ELP3: variants seen among roughly 807,000 people sequenced by gnomAD.
ELP3 encodes the protein elongator acetyltransferase complex subunit 3.
ELP3 carries 56 observed loss-of-function variants against 74.9 expected under a neutral mutation model. The observed-to-expected ratio is 0.75, with a 90% CI of 0.60 to 0.93. The LOEUF is 0.93. Among genes scored for constraint, ELP3 ranks in the 40% least tolerant of loss-of-function variants. ELP3 has a pLI of 0.00. For missense variants in ELP3, 573 were observed against 686.5 expected (o/e 0.83, Z 1.85); for synonymous variants, 222 against 239.8 (o/e 0.93, Z 0.68).
In ELP3 at chr8:28,099,978, G is replaced by A. The variant is rs113572399; in HGVS notation, c.258+12G>A. 1.2e-5 allele frequency: 20 copies of A among 1,613,850 alleles called. No homozygotes were observed. Among genetic ancestry groups the A allele is most frequent in the African/African-American group, 6.7e-5 (5 of 74,862 alleles). On this transcript the variant is annotated intron_variant, in intron 3 of 14. Coordinates refer to ENST00000256398, the MANE Select transcript of ELP3 (RefSeq NM_018091.6). The stretch of plus-strand genomic sequence containing the variant: ...GAACTGCTAGTGGGGTGAGTGATTC[G>A]ACTCATGAGGTATCGACACACTGGG...
In ELP3 at chr8:28,124,206, A is replaced by T. The variant is rs138927178; in HGVS notation, c.618-5296A>T. Among the ~76,000 whole-genome samples the T allele has an allele frequency of 5.5e-3, 844 of 152,320 alleles. 6 individuals carry two copies. Among genetic ancestry groups the T allele is most frequent in the African/African-American group, 0.019 (786 of 41,576 alleles). On this transcript the variant is annotated intron_variant, in intron 7 of 14. Coordinates refer to ENST00000256398, the MANE Select transcript of ELP3 (RefSeq NM_018091.6). ...TTAAGAGAAAGGTAGAGGACTCCTT[A>T]TATCTAGTACAATGCCTTAAGCATA... is the stretch of plus-strand genomic sequence containing the variant.
intron 10 of ELP3, among the ~76,000 whole-genome samples, chr8:28,152,788 A>G (rs1813692059): frequency 6.6e-6 from 1 of 152,300 alleles, no homozygotes; most frequent in South Asian, 2.1e-4. Context: ...CCTGGGTGAC[A>G]GAGCGAGACT....
intron 10 of ELP3, among the ~76,000 whole-genome samples, chr8:28,140,039 C>T (rs922462694): frequency 2.0e-5 from 3 of 152,048 alleles, no homozygotes; most frequent in Non-Finnish European, 4.4e-5. Context: ...GGGACTTGAG[C>T]ATCCATGGAT....
chr8:28,180,436 A>G (rs1001514428), intron 14 of ELP3, among the ~76,000 whole-genome samples: 1 of 152,120 alleles, frequency 6.6e-6, no homozygotes, highest in Admixed American at 6.5e-5. Flanking sequence ...AACATTTCCT[A>G]AATTTCTGGT....
intron 10 of ELP3, among the ~76,000 whole-genome samples, chr8:28,145,884 A>G (rs918432701): frequency 7.2e-5 from 11 of 152,186 alleles, no homozygotes; most frequent in African/African-American, 2.4e-4. Flanking sequence ...TCGGCCACCC[A>G]AAGTGCTGGG....
At chr8:28,120,792 T>C (rs948981535) in intron 7 of ELP3, among the ~76,000 whole-genome samples, 2 of 152,234 alleles carry the variant, frequency 1.3e-5, no homozygotes, top group African/African-American at 2.4e-5. Context: ...ATCACTTCTT[T>C]AAAGATTTTC....
At chr8:28,094,169 C>G (rs1391675281) in intron 1 of ELP3, among the ~76,000 whole-genome samples, 1 of 152,202 alleles carries the variant, frequency 6.6e-6, no homozygotes, top group Non-Finnish European at 1.5e-5. Context: ...CTCTAACTTG[C>G]TCCTTCTCAA....
intron 14 of ELP3, among the ~76,000 whole-genome samples, chr8:28,168,410 G>A (rs1869281): frequency 0.075 from 11,463 of 152,242 alleles, 829 homozygotes; most frequent in East Asian, 0.33. Flanking sequence ...TTGAGATCTT[G>A]AAGTCCAGCC....
intron 2 of ELP3, among the ~76,000 whole-genome samples, chr8:28,097,542 G>A (rs972089148): frequency 2.6e-5 from 4 of 151,322 alleles, no homozygotes; most frequent in South Asian, 4.2e-4. Flanking sequence ...GACTACAGGC[G>A]CCCGCCACCA....
At chr8:28,100,056 G>A in intron 3 of ELP3, 90 bp downstream of exon 3, 1 of 1,549,464 alleles carries the variant, frequency 6.5e-7, no homozygotes, top group South Asian at 1.1e-5. Context: ...TAGTGAGGTA[G>A]AGGTTGGGGA....
intron 4 of ELP3, among the ~76,000 whole-genome samples, 178 bp from the exon 5 acceptor site, chr8:28,107,735 T>C (rs1184875883): frequency 6.6e-6 from 1 of 152,232 alleles, no homozygotes; most frequent in Non-Finnish European, 1.5e-5. Flanking sequence ...ATTTATCTTA[T>C]TTACTTCTTG....
chr8:28,148,240 A>G (rs963529022), intron 10 of ELP3, among the ~76,000 whole-genome samples: 2 of 152,244 alleles, frequency 1.3e-5, no homozygotes, highest in Non-Finnish European at 2.9e-5. Context: ...CACAGGAGTC[A>G]TCAGTCAATA....
intron 14 of ELP3, among the ~76,000 whole-genome samples, chr8:28,177,826 T>G (rs1156722149): frequency 6.6e-6 from 1 of 152,232 alleles, no homozygotes; most frequent in Non-Finnish European, 1.5e-5. Context: ...TTCCAAGAGA[T>G]AAAACTCTTC....
intron 9 of ELP3, among the ~76,000 whole-genome samples, chr8:28,134,918 G>C (rs1362763457): frequency 6.8e-6 from 1 of 148,064 alleles, no homozygotes; most frequent in African/African-American, 2.5e-5. Flanking sequence ...TCTTCAACCA[G>C]TTTCTTATGC....
At chr8:28,153,857 T>G (rs1364300420) in intron 10 of ELP3, among the ~76,000 whole-genome samples, 1 of 152,188 alleles carries the variant, frequency 6.6e-6, no homozygotes, top group Non-Finnish European at 1.5e-5. Context: ...GTAATTAACT[T>G]CTCAGTGACC....
chr8:28,091,158 G>A (rs999424535), upstream of ELP3, among the ~76,000 whole-genome samples: 5 of 151,780 alleles, frequency 3.3e-5, no homozygotes, highest in East Asian at 7.7e-4. Flanking sequence ...CGCCCACCTC[G>A]GCCTCCCAAA....
chr8:28,102,768 C>G (rs12716544), intron 3 of ELP3, among the ~76,000 whole-genome samples: 89,820 of 152,124 alleles, frequency 0.59, 28,617 homozygotes, highest in East Asian at 0.92. Context: ...AAAGCCTGTA[C>G]ATACATTAGA....
At chr8:28,093,068 T>C, upstream of ELP3, 1 of 1,349,502 alleles carries the variant, frequency 7.4e-7, no homozygotes, top group Non-Finnish European at 1.0e-6. Flanking sequence ...CGTGGCTTTG[T>C]GCACGTCGGC....
At chr8:28,098,953 G>C (rs1031518927) in intron 2 of ELP3, among the ~76,000 whole-genome samples, 3 of 152,292 alleles carry the variant, frequency 2.0e-5, no homozygotes, top group African/African-American at 7.2e-5. Context: ...TATGACATAT[G>C]TTTTAATCAT....
Sources: allele counts gnomAD v4.1 joint callset (sites outside exome capture counted in the v4.1 genomes callset), GRCh38; gene constraint gnomAD v4.1.1; transcripts MANE v1.5; gene names NCBI Gene and HGNC (gene_info 2026-07-23, HGNC 2026-07-21).